The following ARMC10 variants were observed in gnomAD, a reference collection of about 807,000 sequenced individuals.
ARMC10 encodes armadillo repeat containing 10, also known as armadillo repeat-containing protein 10.
Under a neutral mutation model 30.2 loss-of-function variants are expected in ARMC10, and 23 were observed. That is an observed-to-expected ratio of 0.76 (90% CI 0.55 to 1.08). ARMC10 has a LOEUF of 1.08. Ranked by LOEUF, ARMC10 falls within the 50% of genes least tolerant of loss-of-function variation. ARMC10 has a pLI of 0.00. For missense variants in ARMC10, 303 were observed against 413.7 expected (o/e 0.73, Z 2.32); for synonymous variants, 111 against 164.4 (o/e 0.68, Z 2.48).
chr7:103,097,362 A>G lies in ARMC10; in HGVS notation c.777+14A>G. 1.3e-6 allele frequency: 2 copies of G among 1,571,314 alleles called. No homozygotes were observed. Among genetic ancestry groups the G allele is most frequent in the South Asian group, 1.1e-5 (1 of 89,904 alleles). On this transcript the variant is annotated intron_variant, in intron 6 of 6. Coordinates refer to ENST00000323716, the MANE Select transcript of ARMC10 (RefSeq NM_031905.5). ...CTCCGTGCCCAAGTAAATAGCTTATATATTTATTTTGTAAATATACACATA... is the reference window on the plus strand; with the variant it reads ...CTCCGTGCCCAAGTAAATAGCTTATGTATTTATTTTGTAAATATACACATA...
intron 4 of ARMC10, chr7:103,087,828 C>G (rs1460317922): frequency 1.0e-6 from 1 of 968,406 alleles, no homozygotes; most frequent in Admixed American, 6.2e-5. Flanking sequence ...GAGGCAAGTA[C>G]TATATAGACT....
chr7:103,093,912 T>TTGTTG (rs1451133918), intron 5 of ARMC10, among the ~76,000 whole-genome samples: 4 of 152,244 alleles, frequency 2.6e-5, no homozygotes, highest in Non-Finnish European at 4.4e-5. Context: ...TATTTTTGTT[T>TTGTTG]TGTTGTGTTG....
At chr7:103,092,334 A>G (rs1801414898) in intron 4 of ARMC10, 143 bp from the exon 5 acceptor site, 1 of 436,918 alleles carries the variant, frequency 2.3e-6, no homozygotes, top group East Asian at 3.7e-5. Context: ...CCGTCTCAAA[A>G]AAAAAAAAAA....
rs1287765937 is a variant in ARMC10, at chr7:103,083,855, A to G, written c.393+25A>G. 3.7e-6 allele frequency: 6 copies of G among 1,609,488 alleles called. No homozygotes were observed. The African/African-American group carries it at 4.0e-5, about 11-fold the overall frequency. On this transcript the variant is annotated intron_variant, in intron 3 of 6. Coordinates refer to ENST00000323716, the MANE Select transcript of ARMC10 (RefSeq NM_031905.5). ...AGTAAGTACCTCAACTCAGCAAGCA[A>G]GCTCTTTCCATTCTTACACACTAGC...
Position 103,089,506 on chromosome 7 carries a change from G to A in ARMC10, c.528+2742G>A, listed in dbSNP as rs1045853508. 8 of 197,912 alleles carry A rather than the reference G, an allele frequency of 4.0e-5. No individual in the cohort carries two copies. The East Asian group carries it at 9.6e-4, about 24-fold the overall frequency. 12.3% of individuals were successfully genotyped at this position (197,912 alleles called of 1,614,324 possible). On this transcript the variant is annotated intron_variant, in intron 4 of 6. Transcript: ENST00000323716. ...CGCATGAACCTTGATTACAACTAAT[G>A]GTCTTTTGGAACTGGTACTGCAACA...
Position 103,092,404 on chromosome 7 carries a change from G to A in ARMC10, c.529-73G>A, listed in dbSNP as rs1434170842. The A allele has an allele frequency of 1.4e-5, 15 of 1,092,578 alleles. No homozygotes were observed. In the East Asian group the frequency reaches 3.5e-4, roughly 25 times the overall value. 67.7% of individuals were successfully genotyped at this position (1,092,578 alleles called of 1,614,324 possible). On this transcript the variant is annotated intron_variant, in intron 4 of 6. Coordinates refer to ENST00000323716, the MANE Select transcript of ARMC10 (RefSeq NM_031905.5). ...TCCTGAGCAGTAGCCCTACTCCACTGTGCAGAAAAGTGGCTGTTCAGTAGA... is the reference window on the plus strand; with the variant it reads ...TCCTGAGCAGTAGCCCTACTCCACTATGCAGAAAAGTGGCTGTTCAGTAGA...
In ARMC10 at chr7:103,075,769, G is replaced by A; in HGVS notation, c.140-8G>A. 6.3e-7 allele frequency: 1 copy of A among 1,599,812 alleles called. No homozygotes were observed. The highest frequency in any genetic ancestry group is 1.1e-5 in the South Asian group (1 of 88,508). On this transcript the variant is annotated splice_region_variant and splice_polypyrimidine_tract_variant and intron_variant, in intron 1 of 6. Transcript: ENST00000323716. ...GGCCCAGAGCCATAGGTCAATCTCT[G>A]CTTGCAGGTGCCCTGGAAGAAGGGA...
At chr7:103,080,543 C>CGGT (rs1800288565) in intron 2 of ARMC10, among the ~76,000 whole-genome samples, 1 of 152,078 alleles carries the variant, frequency 6.6e-6, no homozygotes, top group African/African-American at 2.4e-5. Flanking sequence ...GTGTGAGCCA[C>CGGT]CGTGCTGGGC....
intron 2 of ARMC10, among the ~76,000 whole-genome samples, chr7:103,080,319 A>C (rs1304790563): frequency 6.6e-6 from 1 of 152,138 alleles, no homozygotes; most frequent in Non-Finnish European, 1.5e-5. Flanking sequence ...CTGTGGTGCG[A>C]TCTCAGCTCA....
chr7:103,082,878 T>G (rs778073890), intron 2 of ARMC10, among the ~76,000 whole-genome samples: 56 of 152,122 alleles, frequency 3.7e-4, no homozygotes, highest in Non-Finnish European at 7.4e-4. Flanking sequence ...AAATGTCAGG[T>G]TTTCTTTTGT....
At chr7:103,094,366 A>G (rs1330202288) in intron 5 of ARMC10, among the ~76,000 whole-genome samples, 3 of 152,246 alleles carry the variant, frequency 2.0e-5, no homozygotes, top group Admixed American at 2.0e-4. Flanking sequence ...ATGGTTTCAA[A>G]CCAAAATCCA....
intron 2 of ARMC10, among the ~76,000 whole-genome samples, chr7:103,080,195 G>A (rs528281916): frequency 6.6e-6 from 1 of 152,346 alleles, no homozygotes; most frequent in East Asian, 1.9e-4. Flanking sequence ...TCGCCCTCCT[G>A]TAAAATTTTT....
intron 4 of ARMC10, among the ~76,000 whole-genome samples, chr7:103,092,071 G>C (rs1366334697): frequency 6.6e-6 from 1 of 152,148 alleles, no homozygotes; most frequent in Non-Finnish European, 1.5e-5. Context: ...AGTGGCTCAC[G>C]CCTGTAATCC....
rs1354371393 is a variant in ARMC10 at position 103,086,531 on chromosome 7, C to T, written c.394-99C>T. On this transcript the variant is annotated intron_variant, in intron 3 of 6. Coordinates refer to ENST00000323716, the MANE Select transcript of ARMC10 (RefSeq NM_031905.5). ...TATGGGAAAGAGATTTCCAAAAAGC[C>T]GTTGATTTTTAATTGTATTTGTGGA... 19 of 1,293,790 alleles carry T rather than the reference C, an allele frequency of 1.5e-5. No individual in the cohort carries two copies. In the East Asian group the frequency reaches 2.6e-4, roughly 18 times the overall value. The allele number at this position is 1,293,790 out of a possible 1,614,324, so 80.1% of individuals were successfully genotyped here. A position where few individuals can be genotyped will look rare whatever the true frequency, so the allele number is the denominator to read the frequency against.
intron 2 of ARMC10, among the ~76,000 whole-genome samples, chr7:103,076,671 C>T (rs1799874466): frequency 6.6e-6 from 1 of 152,166 alleles, no homozygotes; most frequent in Non-Finnish European, 1.5e-5. Context: ...CCCATCTCTA[C>T]TAAAAATACA....
chr7:103,076,782 C>T (rs1799892512), intron 2 of ARMC10, among the ~76,000 whole-genome samples: 1 of 152,174 alleles, frequency 6.6e-6, no homozygotes, highest in Non-Finnish European at 1.5e-5. Context: ...TTGCAGTGTG[C>T]CAAGATTGCA....
intron 2 of ARMC10, among the ~76,000 whole-genome samples, chr7:103,076,771 G>A (rs1799891322): frequency 6.6e-6 from 1 of 152,182 alleles, no homozygotes; most frequent in Non-Finnish European, 1.5e-5. Context: ...GGAGGCAGAG[G>A]TTGCAGTGTG....
chr7:103,089,760 G>T (rs1801152350), intron 4 of ARMC10: 1 of 152,184 alleles, frequency 6.6e-6, no homozygotes, highest in South Asian at 2.1e-4. Context: ...GGGTGCTAAA[G>T]GAACCAGGCC....
Position 103,094,612 on chromosome 7 carries a change from TC to T in ARMC10, c.705+1961del, listed in dbSNP as rs547020364. ...GACCATCCTATTTCATACCTCCTGT[TC>T]CTATTTTTCTAATTGAAACTTCATT... On this transcript the variant is annotated intron_variant, in intron 5 of 6. Transcript: ENST00000323716. 2.9e-3 allele frequency among the ~76,000 whole-genome samples: 446 copies of T among 152,308 alleles called. 1 individual carries two copies. The highest frequency in any genetic ancestry group is 0.01 in the Middle Eastern group (3 of 294).
Sources: allele counts gnomAD v4.1 joint callset (sites outside exome capture counted in the v4.1 genomes callset), GRCh38; gene constraint gnomAD v4.1.1; transcripts MANE v1.5; gene names NCBI Gene and HGNC (gene_info 2026-07-23, HGNC 2026-07-21).